Variants in DOCK4 observed in about 807,000 individuals in gnomAD.
DOCK4 encodes dedicator of cytokinesis protein 4.
Under a neutral mutation model 268.1 loss-of-function variants are expected in DOCK4, and 97 were observed. The ratio of observed to expected loss-of-function variants is 0.36; its 90% CI spans 0.31 to 0.43. The LOEUF (loss-of-function observed/expected upper bound fraction) is 0.43, where lower values mean the gene tolerates loss of function less well. DOCK4 is among the 20% of genes least tolerant of loss of function. DOCK4 has a pLI of 1.00. For synonymous variants in DOCK4, 954 were observed against 887.2 expected (o/e 1.08, Z -1.34); for missense variants, 2,145 against 2,455.7 (o/e 0.87, Z 2.67).
chr7:111,883,673 T>C (rs190738005), intron 16 of DOCK4, among the ~76,000 whole-genome samples: 1 of 152,220 alleles, frequency 6.6e-6, no homozygotes, highest in Admixed American at 6.5e-5. Context: ...CCTTAGTGTG[T>C]ATCTATGAAT....
intron 1 of DOCK4, among the ~76,000 whole-genome samples, chr7:112,200,480 A>C (rs1039437867): frequency 6.6e-6 from 1 of 152,122 alleles, no homozygotes; most frequent in African/African-American, 2.4e-5. Flanking sequence ...TTTTTAAGTA[A>C]AACATTGTAT....
chr7:112,085,555 A>G (rs1563070250), intron 1 of DOCK4, among the ~76,000 whole-genome samples: 2 of 152,264 alleles, frequency 1.3e-5, no homozygotes, highest in South Asian at 2.1e-4. Context: ...TTCCTGTAAA[A>G]AGTGTATTTC....
At chr7:112,173,184 T>C (rs1818225900) in intron 1 of DOCK4, among the ~76,000 whole-genome samples, 1 of 152,236 alleles carries the variant, frequency 6.6e-6, no homozygotes, top group Admixed American at 6.5e-5. Context: ...ACAGACATTT[T>C]ATCCAAACAC....
At chr7:111,995,768 T>A (rs553644888) in intron 4 of DOCK4, among the ~76,000 whole-genome samples, 2 of 152,194 alleles carry the variant, frequency 1.3e-5, no homozygotes, top group East Asian at 1.9e-4. Flanking sequence ...CCTTGATTTT[T>A]TTCCCAACAG....
chr7:112,085,231 G>A (rs1392386498), intron 1 of DOCK4, among the ~76,000 whole-genome samples: 1 of 152,004 alleles, frequency 6.6e-6, no homozygotes, highest in Non-Finnish European at 1.5e-5. Flanking sequence ...AAAGGGTCAG[G>A]ATGCTCAAGA....
At chr7:111,795,201 G>C (rs1395733453) in intron 30 of DOCK4, among the ~76,000 whole-genome samples, 2 of 152,112 alleles carry the variant, frequency 1.3e-5, no homozygotes, top group African/African-American at 4.8e-5. Flanking sequence ...GGGTACAGTG[G>C]CACTCCTGGT....
At chr7:112,162,135 T>C (rs1817184432) in intron 1 of DOCK4, among the ~76,000 whole-genome samples, 2 of 152,326 alleles carry the variant, frequency 1.3e-5, no homozygotes, top group South Asian at 2.1e-4. Flanking sequence ...AGAAAGTAAG[T>C]AATTCCAAAT....
chr7:112,130,053 T>G (rs1467980494), intron 1 of DOCK4, among the ~76,000 whole-genome samples: 1 of 152,174 alleles, frequency 6.6e-6, no homozygotes, highest in African/African-American at 2.4e-5. Context: ...CACTTTTAAC[T>G]CTGCCTGGAA....
chr7:112,074,441 T>G (rs1807878738), intron 1 of DOCK4, among the ~76,000 whole-genome samples: 1 of 152,222 alleles, frequency 6.6e-6, no homozygotes, highest in Non-Finnish European at 1.5e-5. Context: ...AACCTTTGTC[T>G]ACCAACTACA....
At chr7:112,133,914 T>G (rs1814060047) in intron 1 of DOCK4, among the ~76,000 whole-genome samples, 1 of 152,144 alleles carries the variant, frequency 6.6e-6, no homozygotes, top group Non-Finnish European at 1.5e-5. Flanking sequence ...TGAAATAATT[T>G]TTTTTTAACA....
chr7:111,920,336 C>T (rs1793000944), intron 12 of DOCK4, among the ~76,000 whole-genome samples: 1 of 152,106 alleles, frequency 6.6e-6, no homozygotes, highest in African/African-American at 2.4e-5. Context: ...TGCTAATTAG[C>T]TTGATTTAAT....
chr7:111,859,856 C>T (rs1036128933), intron 23 of DOCK4, among the ~76,000 whole-genome samples: 5 of 152,244 alleles, frequency 3.3e-5, no homozygotes, highest in East Asian at 3.9e-4. Context: ...CGTGAGCCAC[C>T]GCGCCCGGCC....
At chr7:112,109,532 G>A (rs1244984526) in intron 1 of DOCK4, among the ~76,000 whole-genome samples, 3 of 152,110 alleles carry the variant, frequency 2.0e-5, no homozygotes, top group African/African-American at 7.2e-5. Context: ...AGAAACTCCT[G>A]GGCTACCTGC....
chr7:112,135,172 A>G (rs1201493505), intron 1 of DOCK4, among the ~76,000 whole-genome samples: 1 of 152,114 alleles, frequency 6.6e-6, no homozygotes, highest in African/African-American at 2.4e-5. Context: ...ATTCTTTTAT[A>G]TTACTAAATT....
intron 23 of DOCK4, among the ~76,000 whole-genome samples, chr7:111,858,554 GATGGTCTTCGAGCTAGGACA>G (rs1183264350): frequency 6.6e-6 from 1 of 152,160 alleles, no homozygotes; most frequent in Admixed American, 6.5e-5. Context: ...CCCTCTTCCT[GATGGTCTTCGAGCTAGGACA>G]ATGGTCTTCT....
intron 1 of DOCK4, among the ~76,000 whole-genome samples, chr7:112,103,937 C>T (rs2560652): frequency 0.42 from 62,950 of 151,586 alleles, 13,421 homozygotes; most frequent in East Asian, 0.75. Flanking sequence ...TAAGAATAAT[C>T]CTCAATAATT....
rs1395053770 is a variant in DOCK4 at position 112,032,762 on chromosome 7, G to A, written c.38-28631C>T. 4.0e-4 allele frequency among the ~76,000 whole-genome samples: 61 copies of A among 152,222 alleles called. 1 individual carries two copies. Among genetic ancestry groups the A allele is most frequent in the Non-Finnish European group, 1.6e-4 (11 of 68,000 alleles). ...CCCACACTTGCCTTAAAAAGGTGGA[G>A]GGATAGGAAAGAGGTGAAAATAAAT... On this transcript the variant is annotated intron_variant, in intron 1 of 52. Transcript: ENST00000428084.
intron 13 of DOCK4, among the ~76,000 whole-genome samples, chr7:111,914,258 T>C (rs1223049009): frequency 6.6e-6 from 1 of 152,150 alleles, no homozygotes; most frequent in African/African-American, 2.4e-5. Context: ...TGATCACCAC[T>C]TACCTGGATT....
intron 1 of DOCK4, among the ~76,000 whole-genome samples, chr7:112,032,943 A>G (rs1406986058): frequency 6.6e-6 from 1 of 152,236 alleles, no homozygotes; most frequent in African/African-American, 2.4e-5. Context: ...GAAAAGAGGC[A>G]TTAAAGTGCT....
Sources: allele counts gnomAD v4.1 joint callset (sites outside exome capture counted in the v4.1 genomes callset), GRCh38; gene constraint gnomAD v4.1.1; transcripts MANE v1.5; gene names NCBI Gene and HGNC (gene_info 2026-07-23, HGNC 2026-07-21).